The following CST3 variants were observed in gnomAD, a reference collection of about 807,000 sequenced individuals.
CST3 encodes cystatin C, also known as cystatin-C.
Under a neutral mutation model 9.0 loss-of-function variants are expected in CST3, and 14 were observed. That is an observed-to-expected ratio of 1.56 (90% CI 1.03 to 2.44). The LOEUF (loss-of-function observed/expected upper bound fraction) is 2.44, where lower values mean the gene tolerates loss of function less well. Among genes scored for constraint, CST3 ranks in the 30% most tolerant of loss-of-function variants. The pLI is 0.00. For missense variants in CST3, 237 were observed against 204.3 expected (o/e 1.16, Z -0.98); for synonymous variants, 96 against 90.2 (o/e 1.06, Z -0.37).
chr20:23,631,499 C>T (rs1301545326), downstream of CST3, among the ~76,000 whole-genome samples: 4 of 152,212 alleles, frequency 2.6e-5, no homozygotes, highest in Non-Finnish European at 4.4e-5. Flanking sequence ...ACGCAGGACA[C>T]GGCTTCTGTT....
Position 23,636,359 on chromosome 20 carries a change from A to G in CST3, c.244-992T>C, listed in dbSNP as rs1979674301. 2.0e-5 allele frequency among the ~76,000 whole-genome samples: 3 copies of G among 152,146 alleles called. No individual in the cohort carries two copies. In the South Asian group the frequency reaches 6.2e-4, roughly 32 times the overall value. ...AAGCTGGGCCTGGTAGCCCTACTGA[A>G]GCTCCCTCCCGATCCGACCCCCTAC... is the stretch of plus-strand genomic sequence containing the variant. On this transcript the variant is annotated intron_variant, in intron 1 of 2. Coordinates refer to ENST00000376925, the MANE Select transcript of CST3 (RefSeq NM_000099.4).
Position 23,637,823 on chromosome 20 carries a change from T to A in CST3, c.40A>T (p.Ile14Phe). The change falls in exon 1 of 3, where the codon ATC becomes TTC. Residue 14 changes from isoleucine (I) to phenylalanine (F), a missense_variant. Ile to Phe is a conservative substitution (Grantham distance 21, BLOSUM62 0). Coordinates refer to ENST00000376925, the MANE Select transcript of CST3 (RefSeq NM_000099.4). ...PLRAPLLLLA[I>F]LAVALAVSPA... ...CTCACGGCCAGGGCCACGGCCAGGA[T>A]GGCCAGCAGGAGCAGCGGGGCGCGC... 1 of 1,485,838 alleles carries A rather than the reference T, an allele frequency of 6.7e-7. No individual in the cohort carries two copies. Among genetic ancestry groups the A allele is most frequent in the Non-Finnish European group, 8.9e-7 (1 of 1,119,254 alleles). 92.0% of individuals were successfully genotyped at this position (1,485,838 alleles called of 1,614,324 possible).
chr20:23,627,425 G>C (rs190913231), exon 4 of CST3: 1 of 152,004 alleles, frequency 6.6e-6, no homozygotes, highest in East Asian at 1.9e-4. Context: ...ACTATATCTT[G>C]ATTATCCATT....
At position 23,633,765 on chromosome 20, in the gene CST3, A is replaced by G; in HGVS notation, c.*151T>C. The G allele has an allele frequency of 1.4e-6, 1 of 733,896 alleles. No individual in the cohort carries two copies. Among genetic ancestry groups the G allele is most frequent in the Non-Finnish European group, 2.5e-6 (1 of 405,400 alleles). The allele number at this position is 733,896 out of a possible 1,614,324, so 45.5% of individuals were successfully genotyped here. ...GGCAGAGCCCCTTGCTGAGCAACAA[A>G]GGCCGCCTGCTGCCTTCTCTGTCTG... On this transcript the variant is annotated 3_prime_UTR_variant, in exon 3 of 3. Coordinates refer to ENST00000376925, the MANE Select transcript of CST3 (RefSeq NM_000099.4).
downstream of CST3, among the ~76,000 whole-genome samples, chr20:23,630,572 G>A (rs79326409): frequency 0.018 from 2,795 of 152,240 alleles, 99 homozygotes; most frequent in African/African-American, 0.062. Flanking sequence ...CCTGGGCCTC[G>A]TCTCTCCAGC....
chr20:23,631,827 C>T (rs894696494), downstream of CST3: 1 of 152,206 alleles, frequency 6.6e-6, no homozygotes, highest in African/African-American at 2.4e-5. Context: ...AAAAGCCTCT[C>T]CAACTTACTG....
chr20:23,636,825 A>C lies in CST3; in HGVS notation c.243+795T>G, dbSNP rs1979696391. Among the ~76,000 whole-genome samples, 3 of 152,216 alleles carry C rather than the reference A, an allele frequency of 2.0e-5. No individual in the cohort carries two copies. In the South Asian group the frequency reaches 6.2e-4, roughly 32 times the overall value. ...TGAACTCATGCACTCATGGCCCAGGAGCGTCCTAGGGCACGAAGGCCGTCA... is the reference window on the plus strand; with the variant it reads ...TGAACTCATGCACTCATGGCCCAGGCGCGTCCTAGGGCACGAAGGCCGTCA... On this transcript the variant is annotated intron_variant, in intron 1 of 2. Coordinates refer to ENST00000376925, the MANE Select transcript of CST3 (RefSeq NM_000099.4).
chr20:23,632,714 T>C (rs1201162281), downstream of CST3, among the ~76,000 whole-genome samples: 3 of 152,116 alleles, frequency 2.0e-5, no homozygotes, highest in Non-Finnish European at 4.4e-5. Context: ...GGTTGGAAGG[T>C]ACCTGGGAGG....
chr20:23,636,056 C>G, intron 1 of CST3, among the ~76,000 whole-genome samples: 1 of 152,136 alleles, frequency 6.6e-6, no homozygotes, highest in East Asian at 1.9e-4. Flanking sequence ...GAAGCACAAG[C>G]AAGGCCTGTG....
At chr20:23,634,135 C>T (rs896668110) in intron 2 of CST3, 136 bp from the exon 3 acceptor site, 8 of 736,572 alleles carry the variant, frequency 1.1e-5, no homozygotes, top group South Asian at 1.0e-4. Flanking sequence ...CTCCACCCAC[C>T]CCCGCTGATC....
intron 1 of CST3, among the ~76,000 whole-genome samples, chr20:23,636,191 G>C (rs915126051): frequency 8.5e-5 from 13 of 152,318 alleles, no homozygotes; most frequent in African/African-American, 2.9e-4. Flanking sequence ...ACCAGGGAAT[G>C]GCCCTCCTGT....
Position 23,633,686 on chromosome 20 carries a change from G to A in CST3, c.*230C>T, listed in dbSNP as rs1351140996. 4 of 625,312 alleles carry A rather than the reference G, an allele frequency of 6.4e-6. No individual in the cohort carries two copies. The highest frequency in any genetic ancestry group is 1.8e-5 in the African/African-American group (1 of 55,030). The allele number at this position is 625,312 out of a possible 1,614,324, so 38.7% of individuals were successfully genotyped here. A position where few individuals can be genotyped will look rare whatever the true frequency, so the allele number is the denominator to read the frequency against. On this transcript the variant is annotated 3_prime_UTR_variant, in exon 3 of 3. Transcript: ENST00000376925. ...ATGCTACTATTTTATTGCAGGAGGT[G>A]GGGGTGTATGCACCGCACACCGGGG...
At chr20:23,632,889 T>A (rs1353616338), downstream of CST3, among the ~76,000 whole-genome samples, 1 of 152,224 alleles carries the variant, frequency 6.6e-6, no homozygotes, top group Non-Finnish European at 1.5e-5. Context: ...TGTTCTCTCT[T>A]AATCCTCCTT....
At chr20:23,631,987 G>C (rs1423847653), downstream of CST3, 2 of 152,232 alleles carry the variant, frequency 1.3e-5, no homozygotes, top group Non-Finnish European at 2.9e-5. Flanking sequence ...AGGATGTGCT[G>C]GTCACAGTGA....
Position 23,637,682 on chromosome 20 carries a change from T to A in CST3, c.181A>T (p.Asn61Tyr). 6.5e-7 allele frequency: 1 copy of A among 1,540,514 alleles called. No homozygotes were observed. The highest frequency in any genetic ancestry group is 8.7e-7 in the Non-Finnish European group (1 of 1,143,986). The change falls in exon 1 of 3, where the codon AAC (asparagine) becomes TAC (tyrosine). Residue 61 changes from asparagine (N) to tyrosine (Y), a missense_variant. Coordinates refer to ENST00000376925, the MANE Select transcript of CST3 (RefSeq NM_000099.4). ...TGGTACATGTCGTTGCTGGCTTTGT[T>A]GTACTCGCCGACGGCAAAGTCCAGT... is the stretch of plus-strand genomic sequence containing the variant. ...RALDFAVGEY[N>Y]KASNDMYHSR...
intron 2 of CST3, 102 bp downstream of exon 2, chr20:23,635,152 C>T (rs1044705043): frequency 2.9e-6 from 3 of 1,020,808 alleles, no homozygotes; most frequent in African/African-American, 1.6e-5. Flanking sequence ...CACTCAGGCA[C>T]ATGCACACGT....
downstream of CST3, among the ~76,000 whole-genome samples, chr20:23,632,605 G>C (rs1423035596): frequency 6.6e-6 from 1 of 152,204 alleles, no homozygotes; most frequent in African/African-American, 2.4e-5. Flanking sequence ...GACAGCATGT[G>C]GGGTGCTGGC....
At chr20:23,632,627 T>C (rs150212209), downstream of CST3, among the ~76,000 whole-genome samples, 183 of 152,312 alleles carry the variant, frequency 1.2e-3, no homozygotes, top group African/African-American at 4.1e-3. Flanking sequence ...TTGGCGCTAC[T>C]GGGGTGGATT....
At chr20:23,637,533 A>G in intron 1 of CST3, 87 bp downstream of exon 1, 1 of 1,273,426 alleles carries the variant, frequency 7.9e-7, no homozygotes, top group African/African-American at 1.6e-5. Flanking sequence ...GGCGCCGGAG[A>G]GGAGCAGCAC....
Sources: gnomAD v4.1 joint callset for allele counts (sites outside exome capture counted in the v4.1 genomes callset) on GRCh38, gnomAD v4.1.1 for gene constraint, MANE v1.5 for transcripts, NCBI Gene and HGNC (gene_info 2026-07-23, HGNC 2026-07-21) for gene names.